Variants in CTBP2 observed in about 807,000 individuals in gnomAD.
CTBP2 encodes the protein C-terminal binding protein 2.
A neutral mutation model predicts 80.3 loss-of-function variants in CTBP2; 30 were observed. The ratio of observed to expected loss-of-function variants is 0.37; its 90% CI spans 0.28 to 0.51. The LOEUF is 0.51. Among genes scored for constraint, CTBP2 ranks in the 20% least tolerant of loss-of-function variants. The probability of loss-of-function intolerance (pLI) is 0.93; values close to 1 mark genes in which losing one functional copy is unlikely to be tolerated. For synonymous variants in CTBP2, 594 were observed against 587.4 expected (o/e 1.01, Z -0.16); for missense variants, 1,212 against 1,375.3 (o/e 0.88, Z 1.88).
intron 2 of CTBP2, among the ~76,000 whole-genome samples, chr10:125,076,520 C>T (rs540036972): frequency 4.1e-4 from 63 of 152,340 alleles, no homozygotes; most frequent in African/African-American, 1.4e-3. Flanking sequence ...TCCCTTCTTT[C>T]ATCACAGCCC....
At position 125,082,589 on chromosome 10, in the gene CTBP2, CTTTTT is replaced by C. The variant is rs71486514; in HGVS notation, c.-102+28396_-102+28400del. Among the ~76,000 whole-genome samples the C allele has an allele frequency of 1.1e-4, 14 of 131,040 alleles. 1 individual carries two copies. Among genetic ancestry groups the C allele is most frequent in the South Asian group, 7.1e-4 (3 of 4,218 alleles). 86.0% of individuals were successfully genotyped at this position (131,040 alleles called of 152,430 possible). A position where few individuals can be genotyped will look rare whatever the true frequency, so the allele number is the denominator to read the frequency against. Reference sequence around the variant, plus strand: ...CCATGATCATTCTGCCAGCTTTCCTCTTTTTTTTTTTTTTTTTTGAAACAGTCTTG... The same window carrying C: ...CCATGATCATTCTGCCAGCTTTCCTCTTTTTTTTTTTTTGAAACAGTCTTG... On this transcript the variant is annotated intron_variant, in intron 2 of 10. Coordinates refer to the CTBP2 transcript ENST00000337195.
chr10:125,006,778 C>T (rs1041910195), intron 1 of CTBP2, among the ~76,000 whole-genome samples: 1 of 152,202 alleles, frequency 6.6e-6, no homozygotes, highest in Non-Finnish European at 1.5e-5. Context: ...GACGTGGGGT[C>T]CCCAGGCCCA....
At chr10:125,075,168 AAAGT>A (rs1268646718) in intron 2 of CTBP2, among the ~76,000 whole-genome samples, 27 of 152,360 alleles carry the variant, frequency 1.8e-4, no homozygotes, top group African/African-American at 6.3e-4. Flanking sequence ...GTGACAATAC[AAAGT>A]AAGAACATAT....
At position 124,989,464 on chromosome 10, in the gene CTBP2, T is replaced by G; in HGVS notation, c.*54A>C. ...CTTTTTCTCTTAGTTCATCTATTTT[T>G]CACTGTCTCTTGGTCCCAAGTGTAT... On this transcript the variant is annotated 3_prime_UTR_variant, in exon 9 of 9. Coordinates refer to ENST00000309035, the MANE Select transcript of CTBP2 (RefSeq NM_022802.3). 6.6e-7 allele frequency: 1 copy of G among 1,512,542 alleles called. No homozygotes were observed. Among genetic ancestry groups the G allele is most frequent in the East Asian group, 2.3e-5 (1 of 44,396 alleles). 93.7% of individuals were successfully genotyped at this position (1,512,542 alleles called of 1,614,324 possible). A position where few individuals can be genotyped will look rare whatever the true frequency, so the allele number is the denominator to read the frequency against.
intron 2 of CTBP2, among the ~76,000 whole-genome samples, chr10:125,064,288 G>A (rs1844296053): frequency 6.6e-6 from 1 of 152,142 alleles, no homozygotes; most frequent in African/African-American, 2.4e-5. Flanking sequence ...ACAATGGATT[G>A]ATCTTTTTCT....
At chr10:125,095,459 C>A (rs187812687) in intron 2 of CTBP2, among the ~76,000 whole-genome samples, 2 of 152,276 alleles carry the variant, frequency 1.3e-5, no homozygotes, top group African/African-American at 4.8e-5. Flanking sequence ...GGAGCCTCAT[C>A]TCACCACAGA....
chr10:125,101,397 T>C (rs1241021679), intron 2 of CTBP2, among the ~76,000 whole-genome samples: 5 of 152,202 alleles, frequency 3.3e-5, no homozygotes, highest in Non-Finnish European at 7.4e-5. Context: ...AGGATGTCCA[T>C]TACGAAACAG....
chr10:125,060,002 C>G (rs946695112), intron 2 of CTBP2, among the ~76,000 whole-genome samples: 1 of 152,262 alleles, frequency 6.6e-6, no homozygotes, highest in Admixed American at 6.5e-5. Flanking sequence ...GCCTGCCCCA[C>G]TGCCCATCCC....
chr10:125,028,074 A>G (rs1298547157), upstream of CTBP2: 2 of 366,412 alleles, frequency 5.5e-6, no homozygotes, highest in South Asian at 4.7e-5. Flanking sequence ...GTGTGCTCAC[A>G]TGGACCAGGG....
intron 1 of CTBP2, among the ~76,000 whole-genome samples, chr10:125,126,192 T>C (rs935458689): frequency 6.6e-6 from 1 of 152,182 alleles, no homozygotes; most frequent in African/African-American, 2.4e-5. Flanking sequence ...CTTGTCCAAC[T>C]ATGTGACCTC....
chr10:124,987,421 G>C lies in CTBP2; in HGVS notation c.*2097C>G, dbSNP rs1952081639. 1 of 151,996 alleles carries C rather than the reference G, an allele frequency of 6.6e-6. No homozygotes were observed. The highest frequency in any genetic ancestry group is 2.4e-5 in the African/African-American group (1 of 41,442). 9.4% of individuals were successfully genotyped at this position (151,996 alleles called of 1,614,324 possible). ...CCAAGATCTAATAATTAAAACCCAG[G>C]TGGACCATGGATTCAGACCTGCCTT... On this transcript the variant is annotated 3_prime_UTR_variant, in exon 9 of 9. Coordinates refer to ENST00000309035, the MANE Select transcript of CTBP2 (RefSeq NM_022802.3).
chr10:125,050,196 A>G (rs1962381306), intron 2 of CTBP2, among the ~76,000 whole-genome samples: 1 of 152,130 alleles, frequency 6.6e-6, no homozygotes, highest in Admixed American at 6.5e-5. Context: ...ATGCGTCTCT[A>G]TCACCAAAAG....
At chr10:125,025,758 GTCTGT>G (rs1291715455) in intron 1 of CTBP2, among the ~76,000 whole-genome samples, 2 of 152,206 alleles carry the variant, frequency 1.3e-5, no homozygotes, top group African/African-American at 4.8e-5. Flanking sequence ...CAAGGCTGCA[GTCTGT>G]TCTGAGTGAC....
At chr10:125,097,993 C>A (rs553934207) in intron 2 of CTBP2, among the ~76,000 whole-genome samples, 1 of 152,080 alleles carries the variant, frequency 6.6e-6, no homozygotes, top group Admixed American at 6.6e-5. Flanking sequence ...TGGCGGCGGG[C>A]GCCTGTAGTC....
At chr10:125,055,427 C>T (rs1052114054) in intron 2 of CTBP2, among the ~76,000 whole-genome samples, 1 of 152,162 alleles carries the variant, frequency 6.6e-6, no homozygotes, top group South Asian at 2.1e-4. Flanking sequence ...CCTAGGATCA[C>T]GGCATTTCTG....
At chr10:124,995,252 C>A (rs909198894) in intron 4 of CTBP2, among the ~76,000 whole-genome samples, 1 of 152,196 alleles carries the variant, frequency 6.6e-6, no homozygotes, top group Non-Finnish European at 1.5e-5. Flanking sequence ...GGCACATGAC[C>A]ATCAGACCTG....
intron 3 of CTBP2, chr10:124,999,584 A>C (rs1954145786): frequency 6.6e-6 from 1 of 152,274 alleles, no homozygotes; most frequent in Admixed American, 6.5e-5. Context: ...CACTGTGAGC[A>C]GGTCACCCAC....
In CTBP2 at chr10:125,041,901, C is replaced by T. The variant is rs138159051; in HGVS notation, c.-101-2746G>A. ...AATCAAAGGAAAGATCAGCCATCAG[C>T]TTCCACAAACGCCAATATTCCACTA... On this transcript the variant is annotated intron_variant, in intron 2 of 10. Coordinates refer to the CTBP2 transcript ENST00000337195. 3.7e-3 allele frequency among the ~76,000 whole-genome samples: 551 copies of T among 150,850 alleles called. 4 individuals carry two copies. Among genetic ancestry groups the T allele is most frequent in the African/African-American group, 0.012 (508 of 41,006 alleles).
chr10:125,147,718 C>CA (rs1194355188), intron 1 of CTBP2, among the ~76,000 whole-genome samples: 1 of 152,040 alleles, frequency 6.6e-6, no homozygotes, highest in African/African-American at 2.4e-5. Flanking sequence ...GGCAACATGG[C>CA]AAACCCCATC....
Sources: gnomAD v4.1 joint callset for allele counts (sites outside exome capture counted in the v4.1 genomes callset) on GRCh38, gnomAD v4.1.1 for gene constraint, MANE v1.5 for transcripts, NCBI Gene and HGNC (gene_info 2026-07-23, HGNC 2026-07-21) for gene names.